TRIM23: variants seen among roughly 807,000 people sequenced by gnomAD.
TRIM23 encodes the protein E3 ubiquitin-protein ligase TRIM23.
Under a neutral mutation model 71.0 loss-of-function variants are expected in TRIM23, and 27 were observed. The ratio of observed to expected loss-of-function variants is 0.38; its 90% CI spans 0.28 to 0.52. The LOEUF is 0.52. Ranked by LOEUF, TRIM23 falls within the 20% of genes least tolerant of loss-of-function variation. The pLI, the probability that TRIM23 is intolerant of heterozygous loss-of-function variation, is 0.84. For synonymous variants in TRIM23, 234 were observed against 238.0 expected (o/e 0.98, Z 0.16); for missense variants, 482 against 692.3 (o/e 0.70, Z 3.41).
intron 6 of TRIM23, among the ~76,000 whole-genome samples, chr5:65,605,662 CACTCCTCA>C (rs1459562495): frequency 1.3e-5 from 2 of 152,080 alleles, no homozygotes; most frequent in Non-Finnish European, 2.9e-5. Flanking sequence ...AATACAGGTC[CACTCCTCA>C]AAGTCAAGAA....
In TRIM23 at chr5:65,594,651, CAA is replaced by C; in HGVS notation, c.1421-8_1421-7del. The C allele has an allele frequency of 1.3e-6, 2 of 1,490,170 alleles. No individual in the cohort carries two copies. Among genetic ancestry groups the C allele is most frequent in the East Asian group, 2.5e-5 (1 of 40,616 alleles). 92.3% of individuals were successfully genotyped at this position (1,490,170 alleles called of 1,614,324 possible). On this transcript the variant is annotated splice_polypyrimidine_tract_variant and splice_region_variant and intron_variant, in intron 9 of 10. Transcript: ENST00000231524. ...ATCTACAACAAACACAACAGCTACC[CAA>C]AAAAAAATAAAAAAAACAAAAATAG...
At chr5:65,616,846 C>T (rs1302170182) in intron 2 of TRIM23, among the ~76,000 whole-genome samples, 2 of 151,766 alleles carry the variant, frequency 1.3e-5, no homozygotes, top group Admixed American at 6.6e-5. Flanking sequence ...CTCAGCCTCC[C>T]AAGTAGCTGG....
chr5:65,602,845 C>T (rs1329716473), intron 7 of TRIM23, among the ~76,000 whole-genome samples: 1 of 152,144 alleles, frequency 6.6e-6, no homozygotes, highest in African/African-American at 2.4e-5. Context: ...ATGGGACAGA[C>T]CGGCCCCCAT....
chr5:65,616,106 G>C (rs902333146), intron 2 of TRIM23, among the ~76,000 whole-genome samples: 1 of 152,194 alleles, frequency 6.6e-6, no homozygotes, highest in Non-Finnish European at 1.5e-5. Context: ...ATGCGTAAGA[G>C]GGCAAGGAAG....
intron 6 of TRIM23, among the ~76,000 whole-genome samples, 180 bp downstream of exon 6, chr5:65,609,063 C>T (rs994539030): frequency 2.0e-5 from 3 of 152,094 alleles, no homozygotes; most frequent in Non-Finnish European, 2.9e-5. Flanking sequence ...GGGAAAGGCA[C>T]GTGAACGACA....
chr5:65,605,055 G>A lies in TRIM23; in HGVS notation c.1045-10C>T. ...CAACTCTACAATCATCCTATAAGAG[G>A]CAAAACAATATTTCTTATAAACTTT... On this transcript the variant is annotated splice_polypyrimidine_tract_variant and intron_variant, in intron 6 of 10. Coordinates refer to ENST00000231524, the MANE Select transcript of TRIM23 (RefSeq NM_001656.4). 1.9e-6 allele frequency: 3 copies of A among 1,583,890 alleles called. No individual in the cohort carries two copies. Among genetic ancestry groups the A allele is most frequent in the Non-Finnish European group, 2.6e-6 (3 of 1,167,328 alleles).
intron 8 of TRIM23, 77 bp from the exon 9 acceptor site, chr5:65,596,608 A>G (rs1178060881): frequency 2.4e-6 from 2 of 847,786 alleles, no homozygotes; most frequent in Admixed American, 2.4e-5. Flanking sequence ...GACAACCCCC[A>G]GTTTATAACT....
intron 3 of TRIM23, among the ~76,000 whole-genome samples, chr5:65,612,893 CA>C (rs1477473982): frequency 6.6e-6 from 1 of 151,726 alleles, no homozygotes; most frequent in South Asian, 2.1e-4. Context: ...TCAGGAATTA[CA>C]AAAAATAACT....
chr5:65,591,645 TTATATA>T lies in TRIM23; in HGVS notation c.*118_*123del, dbSNP rs10644434. 8.6e-5 allele frequency: 62 copies of T among 717,030 alleles called. No individual in the cohort carries two copies. Among genetic ancestry groups the T allele is most frequent in the Admixed American group, 4.4e-4 (9 of 20,460 alleles). The allele number at this position is 717,030 out of a possible 1,614,324, so 44.4% of individuals were successfully genotyped here. ...ACTGAATTCCCAATCCAAGATTCCT[TTATATA>T]TATATATATATATATGCATCCTAAA... On this transcript the variant is annotated 3_prime_UTR_variant, in exon 11 of 11. Transcript: ENST00000231524.
chr5:65,621,835 A>AT (rs1172047437), intron 1 of TRIM23, among the ~76,000 whole-genome samples: 20 of 149,642 alleles, frequency 1.3e-4, no homozygotes, highest in East Asian at 7.8e-4. Context: ...TATTATTATT[A>AT]TTTTTTTTTT....
chr5:65,600,002 C>T (rs575567981), intron 7 of TRIM23, among the ~76,000 whole-genome samples: 1 of 151,994 alleles, frequency 6.6e-6, no homozygotes, highest in East Asian at 1.9e-4. Flanking sequence ...AGGAAACTTA[C>T]AATCATGGTG....
chr5:65,612,918 T>C (rs1561749419), intron 3 of TRIM23, among the ~76,000 whole-genome samples: 1 of 152,196 alleles, frequency 6.6e-6, no homozygotes, highest in East Asian at 1.9e-4. Context: ...TATGAAATAA[T>C]TACTTTTATT....
chr5:65,591,527 A>C lies in TRIM23; in HGVS notation c.*242T>G. ...ACTTAAATAACAAATATACTTTTTAAAAGAATGTATATTCAATAAGTTTCT... is the reference window on the plus strand; with the variant it reads ...ACTTAAATAACAAATATACTTTTTACAAGAATGTATATTCAATAAGTTTCT... On this transcript the variant is annotated 3_prime_UTR_variant, in exon 11 of 11. Coordinates refer to ENST00000231524, the MANE Select transcript of TRIM23 (RefSeq NM_001656.4). 3 of 1,505,408 alleles carry C rather than the reference A, an allele frequency of 2.0e-6. No individual in the cohort carries two copies. The highest frequency in any genetic ancestry group is 2.7e-6 in the Non-Finnish European group (3 of 1,108,672). 93.3% of individuals were successfully genotyped at this position (1,505,408 alleles called of 1,614,324 possible). A position where few individuals can be genotyped will look rare whatever the true frequency, so the allele number is the denominator to read the frequency against.
intron 2 of TRIM23, among the ~76,000 whole-genome samples, chr5:65,614,889 TA>T (rs950391125): frequency 9.2e-5 from 14 of 152,230 alleles, no homozygotes; most frequent in African/African-American, 3.1e-4. Flanking sequence ...TTAAAAAAAT[TA>T]TTTAAATCTC....
At chr5:65,624,071 A>C (rs1018283124) in intron 1 of TRIM23, 123 bp downstream of exon 1, 2 of 1,142,398 alleles carry the variant, frequency 1.8e-6, no homozygotes, top group Non-Finnish European at 2.5e-6. Flanking sequence ...TTGTAATGCC[A>C]AAAGGGGCCC....
In TRIM23 at chr5:65,617,869, A is replaced by G. The variant is rs537728198; in HGVS notation, c.244+224T>C. The stretch of plus-strand genomic sequence containing the variant: ...TCAGGTGTCTTAAAGCTCTTTACAG[A>G]TAAGTATTGAATATAAACATCTCAG... On this transcript the variant is annotated intron_variant, in intron 2 of 10. Coordinates refer to ENST00000231524, the MANE Select transcript of TRIM23 (RefSeq NM_001656.4). 3.3e-5 allele frequency among the ~76,000 whole-genome samples: 5 copies of G among 152,338 alleles called. No homozygotes were observed. In the East Asian group the frequency reaches 9.6e-4, roughly 29 times the overall value.
At chr5:65,615,191 C>T (rs898228392) in intron 2 of TRIM23, among the ~76,000 whole-genome samples, 3 of 152,162 alleles carry the variant, frequency 2.0e-5, no homozygotes, top group East Asian at 3.9e-4. Flanking sequence ...TGTGAGCCAC[C>T]GTGCCCAGCC....
At chr5:65,614,802 T>C (rs776379660) in intron 2 of TRIM23, among the ~76,000 whole-genome samples, 3 of 151,800 alleles carry the variant, frequency 2.0e-5, no homozygotes, top group Non-Finnish European at 4.4e-5. Context: ...CACAACAATA[T>C]GAATGTACTT....
rs1388054161 is a variant in TRIM23 at position 65,591,006 on chromosome 5, G to A, written c.*763C>T. 1 of 986,872 alleles carries A rather than the reference G, an allele frequency of 1.0e-6. No individual in the cohort carries two copies. Among genetic ancestry groups the A allele is most frequent in the Non-Finnish European group, 1.2e-6 (1 of 831,130 alleles). The allele number at this position is 986,872 out of a possible 1,614,324, so 61.1% of individuals were successfully genotyped here. A position where few individuals can be genotyped will look rare whatever the true frequency, so the allele number is the denominator to read the frequency against. On this transcript the variant is annotated 3_prime_UTR_variant, in exon 11 of 11. Transcript: ENST00000231524. ...AATAGAAGGACCAATTTAGAGCTCT[G>A]ACCTAGGTTCAGTCCTGGAAATGGG...
Sources: allele counts gnomAD v4.1 joint callset (sites outside exome capture counted in the v4.1 genomes callset), GRCh38; gene constraint gnomAD v4.1.1; transcripts MANE v1.5; gene names NCBI Gene and HGNC (gene_info 2026-07-23, HGNC 2026-07-21).